Variants in EIF2AK3 observed in about 807,000 individuals in gnomAD.
The protein encoded by EIF2AK3 is eukaryotic translation initiation factor 2-alpha kinase 3.
Under a neutral mutation model 113.5 loss-of-function variants are expected in EIF2AK3, and 50 were observed. The ratio of observed to expected loss-of-function variants is 0.44; its 90% CI spans 0.35 to 0.56. EIF2AK3 has a LOEUF of 0.56. EIF2AK3 is among the 20% of genes least tolerant of loss of function. The probability of loss-of-function intolerance (pLI) is 0.00; values close to 1 mark genes in which losing one functional copy is unlikely to be tolerated. For missense variants in EIF2AK3, 1,185 were observed against 1,378.0 expected (o/e 0.86, Z 2.22); for synonymous variants, 448 against 495.4 (o/e 0.90, Z 1.27).
upstream of EIF2AK3, chr2:88,627,502 T>G: frequency 6.5e-6 from 3 of 463,316 alleles, no homozygotes; most frequent in Non-Finnish European, 1.1e-5. Flanking sequence ...TTTCCGCGCG[T>G]TTGCTCTCTC....
intron 2 of EIF2AK3, among the ~76,000 whole-genome samples, chr2:88,612,825 C>G (rs759096906): frequency 3.9e-5 from 6 of 152,006 alleles, no homozygotes; most frequent in Non-Finnish European, 8.8e-5. Flanking sequence ...AAGAAAAAGA[C>G]TGATGACAAA....
At chr2:88,602,189 G>C (rs769478743) in intron 2 of EIF2AK3, among the ~76,000 whole-genome samples, 4 of 152,178 alleles carry the variant, frequency 2.6e-5, no homozygotes, top group Non-Finnish European at 5.9e-5. Flanking sequence ...TCCTCATTCG[G>C]TTTTGGAAGC....
Position 88,588,032 on chromosome 2 carries a change from G to C in EIF2AK3, c.1379C>G (p.Ser460Cys). ...TGCACCATTACTATATTCTTCATGAGAAAACTTATCATTACTGAGACATTT... is the reference window on the plus strand; with the variant it reads ...TGCACCATTACTATATTCTTCATGACAAAACTTATCATTACTGAGACATTT... ...FDKCLSNDKF[S>C]HEEYSNGALS... The change falls in exon 8 of 17, where the codon TCT becomes TGT. Residue 460 changes from serine to cysteine, a missense_variant. By Grantham distance (112) the Ser-to-Cys change is moderately radical (BLOSUM62 -1). This residue lies in a region of EIF2AK3 where 877 missense variants were observed against 1,024.2 expected (regional missense o/e 0.86). Transcript: ENST00000303236. 1 of 1,587,998 alleles carries C rather than the reference G, an allele frequency of 6.3e-7. No homozygotes were observed. Among genetic ancestry groups the C allele is most frequent in the East Asian group, 2.3e-5 (1 of 44,240 alleles).
Position 88,575,193 on chromosome 2 carries a change from T to C in EIF2AK3, c.2290A>G (p.Ser764Gly). The change falls in exon 13 of 17, where the codon AGT (serine) becomes GGT (glycine). Residue 764 changes from serine (S) to glycine (G), a missense_variant. This residue lies in a region of EIF2AK3 where 877 missense variants were observed against 1,024.2 expected (regional missense o/e 0.86). Transcript: ENST00000303236. ...TCCACATCACAGTCTGTAAGGCAAC[T>C]GTCCTGGAGGTTGTATGCTGCATCC... ...SVDAAYNLQD[S>G]CLTDCDVEDG... is the part of the protein sequence containing the mutation. 1 of 1,612,844 alleles carries C rather than the reference T, an allele frequency of 6.2e-7. No individual in the cohort carries two copies. The highest frequency in any genetic ancestry group is 8.5e-7 in the Non-Finnish European group (1 of 1,179,104).
intron 1 of EIF2AK3, among the ~76,000 whole-genome samples, chr2:88,614,142 C>T (rs1553412130): frequency 1.3e-5 from 2 of 152,220 alleles, no homozygotes; most frequent in Non-Finnish European, 2.9e-5. Flanking sequence ...CTTCTACCTA[C>T]ATACCTCCTG....
Position 88,616,379 on chromosome 2 carries a change from T to C in EIF2AK3, c.309-2526A>G, listed in dbSNP as rs534710475. 2.9e-4 allele frequency among the ~76,000 whole-genome samples: 44 copies of C among 152,292 alleles called. 3 individuals carry two copies. In the South Asian group the frequency reaches 8.9e-3, roughly 31 times the overall value. On this transcript the variant is annotated intron_variant, in intron 1 of 16. Coordinates refer to ENST00000303236, the MANE Select transcript of EIF2AK3 (RefSeq NM_004836.7). Reference sequence around the variant, plus strand: ...TCTACCGTTCCTTCTGCCTGGAACATACACCTCCAGCTACAGAGCAGACTC... The same window carrying C: ...TCTACCGTTCCTTCTGCCTGGAACACACACCTCCAGCTACAGAGCAGACTC...
chr2:88,617,555 A>G (rs1397811884), intron 1 of EIF2AK3, among the ~76,000 whole-genome samples: 1 of 151,940 alleles, frequency 6.6e-6, no homozygotes, highest in East Asian at 1.9e-4. Context: ...GGAGATCAAG[A>G]CCATCCTGGC....
intron 6 of EIF2AK3, 35 bp from the exon 7 acceptor site, chr2:88,588,936 A>AT: frequency 6.2e-7 from 1 of 1,609,292 alleles, no homozygotes. Context: ...TTATGCATTG[A>AT]TTTTTTTAAA....
At chr2:88,598,154 C>T (rs561678928) in intron 2 of EIF2AK3, among the ~76,000 whole-genome samples, 33 of 152,234 alleles carry the variant, frequency 2.2e-4, no homozygotes, top group African/African-American at 7.7e-4. Flanking sequence ...TTCACATGTT[C>T]ATACCAATAG....
chr2:88,604,782 C>T (rs188665962), intron 2 of EIF2AK3, among the ~76,000 whole-genome samples: 13 of 152,252 alleles, frequency 8.5e-5, no homozygotes, highest in Admixed American at 3.3e-4. Context: ...TGCTGAGCTA[C>T]GTGCTAAGTA....
intron 13 of EIF2AK3, among the ~76,000 whole-genome samples, chr2:88,572,517 G>A (rs2104406193): frequency 6.6e-6 from 1 of 152,218 alleles, no homozygotes; most frequent in African/African-American, 2.4e-5. Flanking sequence ...ATTTCTGATA[G>A]TGGGAAAAAG....
In EIF2AK3 at chr2:88,587,959, T is replaced by C. The variant is rs775617650; in HGVS notation, c.1429+23A>G. 24 of 1,485,608 alleles carry C rather than the reference T, an allele frequency of 1.6e-5. 1 individual carries two copies. The highest frequency in any genetic ancestry group is 1.6e-4 in the South Asian group (13 of 80,658). 92.0% of individuals were successfully genotyped at this position (1,485,608 alleles called of 1,614,324 possible). On this transcript the variant is annotated intron_variant, in intron 8 of 16. Transcript: ENST00000303236. Reference sequence around the variant, plus strand: ...ATTTCAAATTAAAAAATAAAATAAATAAAACTCAGTATTTTCACTTACCAT... The same window carrying C: ...ATTTCAAATTAAAAAATAAAATAAACAAAACTCAGTATTTTCACTTACCAT...
intron 14 of EIF2AK3, among the ~76,000 whole-genome samples, chr2:88,569,967 T>C (rs188918286): frequency 2.0e-5 from 3 of 151,216 alleles, no homozygotes; most frequent in African/African-American, 7.3e-5. Context: ...AGCACTTTTA[T>C]AAGTTAGCTT....
At chr2:88,617,618 G>C (rs571187043) in intron 1 of EIF2AK3, among the ~76,000 whole-genome samples, 49 of 151,908 alleles carry the variant, frequency 3.2e-4, no homozygotes, top group Non-Finnish European at 6.3e-4. Flanking sequence ...TTAGCCGGGC[G>C]TGGTGGTGCA....
chr2:88,609,173 T>G (rs188614965), intron 2 of EIF2AK3, among the ~76,000 whole-genome samples: 62 of 152,272 alleles, frequency 4.1e-4, no homozygotes, highest in African/African-American at 1.5e-3. Flanking sequence ...ATGCTCACAA[T>G]ACAGTCTTCT....
intron 14 of EIF2AK3, among the ~76,000 whole-genome samples, chr2:88,567,696 G>A (rs888316794): frequency 5.0e-4 from 76 of 152,082 alleles, no homozygotes; most frequent in African/African-American, 1.7e-3. Flanking sequence ...CTTTTAATAG[G>A]TAACACATTC....
At chr2:88,583,318 G>T in intron 10 of EIF2AK3, 112 bp downstream of exon 10, 3 of 769,748 alleles carry the variant, frequency 3.9e-6, no homozygotes, top group Non-Finnish European at 6.6e-6. Flanking sequence ...TTTATTGAGG[G>T]TTAAGCCTAT....
intron 2 of EIF2AK3, among the ~76,000 whole-genome samples, chr2:88,605,921 AGAT>A (rs1351554255): frequency 6.6e-6 from 1 of 152,156 alleles, no homozygotes; most frequent in Non-Finnish European, 1.5e-5. Flanking sequence ...CATCACCATT[AGAT>A]GATGATGCCC....
chr2:88,576,463 T>TA (rs367967741), intron 12 of EIF2AK3, 91 bp downstream of exon 12: 6,201 of 1,200,814 alleles, frequency 5.2e-3, no homozygotes, highest in Non-Finnish European at 5.8e-3. Context: ...TCCTTTTCTT[T>TA]AAAAAAAAAA....
Sources: allele counts gnomAD v4.1 joint callset (sites outside exome capture counted in the v4.1 genomes callset), GRCh38; gene constraint gnomAD v4.1.1; regional missense constraint gnomAD v4.1.1; transcripts MANE v1.5; gene names NCBI Gene and HGNC (gene_info 2026-07-23, HGNC 2026-07-21).